FSTL5: variants seen among roughly 807,000 people sequenced by gnomAD.
FSTL5 encodes follistatin like 5.
FSTL5 carries 62 observed loss-of-function variants against 89.1 expected under a neutral mutation model. That is an observed-to-expected ratio of 0.70 (90% CI 0.57 to 0.86). The LOEUF is 0.86. FSTL5 is among the 40% of genes least tolerant of loss of function. FSTL5 has a pLI of 0.00. For synonymous variants in FSTL5, 383 were observed against 346.2 expected (o/e 1.11, Z -1.18); for missense variants, 1,057 against 1,001.6 (o/e 1.06, Z -0.75).
chr4:162,146,844 G>A (rs1056109136), intron 1 of FSTL5, among the ~76,000 whole-genome samples: 4 of 151,094 alleles, frequency 2.6e-5, no homozygotes. Flanking sequence ...GTGCAGTGTG[G>A]GATCTTGGCT....
chr4:161,561,214 G>C (rs1578925928), intron 8 of FSTL5, among the ~76,000 whole-genome samples: 1 of 148,220 alleles, frequency 6.7e-6, no homozygotes, highest in South Asian at 2.2e-4. Flanking sequence ...TAGATAGATA[G>C]ATACATAGAT....
At position 161,753,415 on chromosome 4, in the gene FSTL5, C is replaced by T. The variant is rs200350067; in HGVS notation, c.727+5996G>A. Among the ~76,000 whole-genome samples the T allele has an allele frequency of 2.0e-5, 3 of 152,218 alleles. No individual in the cohort carries two copies. In the East Asian group the frequency reaches 5.8e-4, roughly 29 times the overall value. On this transcript the variant is annotated intron_variant, in intron 6 of 15. Coordinates refer to ENST00000306100, the MANE Select transcript of FSTL5 (RefSeq NM_020116.5). ...CTGTCATGTATATGTAATCACTCAC[C>T]AATTCAAGTTAATTCTGTTCATAAG...
intron 3 of FSTL5, among the ~76,000 whole-genome samples, chr4:161,966,155 A>C (rs1735321258): frequency 6.6e-6 from 1 of 152,130 alleles, no homozygotes; most frequent in South Asian, 2.1e-4. Flanking sequence ...TATATTGTTT[A>C]ATTCATTGTT....
intron 7 of FSTL5, among the ~76,000 whole-genome samples, chr4:161,613,659 CAAAA>C (rs750399896): frequency 6.6e-6 from 1 of 152,036 alleles, no homozygotes; most frequent in Admixed American, 6.6e-5. Flanking sequence ...CGAACCCAAA[CAAAA>C]AAGTCTCGTT....
intron 8 of FSTL5, among the ~76,000 whole-genome samples, chr4:161,563,327 C>A (rs1015444542): frequency 6.6e-6 from 1 of 151,848 alleles, no homozygotes; most frequent in African/African-American, 2.4e-5. Context: ...AGTGGAACTG[C>A]TTTATCGTAT....
intron 4 of FSTL5, among the ~76,000 whole-genome samples, chr4:161,864,899 G>A (rs1372004872): frequency 1.4e-5 from 2 of 146,392 alleles, no homozygotes; most frequent in Non-Finnish European, 3.0e-5. Flanking sequence ...AAGCATTAAT[G>A]GTAGTGAATA....
At chr4:161,845,196 A>C (rs1409534486) in intron 4 of FSTL5, among the ~76,000 whole-genome samples, 1 of 152,198 alleles carries the variant, frequency 6.6e-6, no homozygotes, top group African/African-American at 2.4e-5. Flanking sequence ...CTATTAGATT[A>C]ATGCACTCTT....
intron 10 of FSTL5, among the ~76,000 whole-genome samples, chr4:161,523,007 T>C (rs1217802928): frequency 2.6e-5 from 4 of 152,078 alleles, no homozygotes; most frequent in Non-Finnish European, 5.9e-5. Context: ...TAATGATAAC[T>C]AGAAGAAACA....
In FSTL5 at chr4:161,812,517, A is replaced by AACACACAC. The variant is rs3077014; in HGVS notation, c.410-36451_410-36444dup. Among the ~76,000 whole-genome samples the AACACACAC allele has an allele frequency of 9.5e-3, 1,437 of 151,310 alleles. 10 individuals are homozygous for AACACACAC. The highest frequency in any genetic ancestry group is 0.021 in the Middle Eastern group (6 of 290). ...CAATAGCCCATCTGTAGTTAAGAAA[A>AACACACAC]ACACACACACACACACAAATGAAAC... is the stretch of plus-strand genomic sequence containing the variant. On this transcript the variant is annotated intron_variant, in intron 4 of 15. Coordinates refer to ENST00000306100, the MANE Select transcript of FSTL5 (RefSeq NM_020116.5).
At chr4:161,592,941 T>C (rs1461764442) in intron 7 of FSTL5, among the ~76,000 whole-genome samples, 1 of 152,202 alleles carries the variant, frequency 6.6e-6, no homozygotes, top group Non-Finnish European at 1.5e-5. Flanking sequence ...TTTTAAGTTG[T>C]AATTGGCAAA....
intron 10 of FSTL5, among the ~76,000 whole-genome samples, chr4:161,537,401 T>G (rs1003968478): frequency 6.6e-6 from 1 of 152,190 alleles, no homozygotes; most frequent in African/African-American, 2.4e-5. Context: ...GGCACGTGTA[T>G]ACCAAGGGAA....
rs565975087 is a variant in FSTL5 at position 161,840,378 on chromosome 4, A to G, written c.410-64304T>C. 5.3e-5 allele frequency among the ~76,000 whole-genome samples: 8 copies of G among 152,342 alleles called. No individual in the cohort carries two copies. The South Asian group carries it at 1.4e-3, about 28-fold the overall frequency. On this transcript the variant is annotated intron_variant, in intron 4 of 15. Coordinates refer to ENST00000306100, the MANE Select transcript of FSTL5 (RefSeq NM_020116.5). ...GAAAAATTTAGAAGAAATTGGATTC[A>G]ATGCTTTATCTACATATCTAAAACA...
In FSTL5 at chr4:162,051,508, T is replaced by C. The variant is rs556399217; in HGVS notation, c.127-17850A>G. Among the ~76,000 whole-genome samples the C allele has an allele frequency of 3.3e-5, 5 of 151,548 alleles. No individual in the cohort carries two copies. In the South Asian group the frequency reaches 1.0e-3, roughly 31 times the overall value. ...AAAACCCTACTAGACATATAAAGAA[T>C]AACCAGAGCATTTGAGTAGGAATAA... is the stretch of plus-strand genomic sequence containing the variant. On this transcript the variant is annotated intron_variant, in intron 2 of 15. Coordinates refer to ENST00000306100, the MANE Select transcript of FSTL5 (RefSeq NM_020116.5).
At chr4:162,080,166 T>A (rs536156552) in intron 2 of FSTL5, among the ~76,000 whole-genome samples, 14 of 151,784 alleles carry the variant, frequency 9.2e-5, no homozygotes, top group Non-Finnish European at 1.8e-4. Flanking sequence ...CTGAGATTAT[T>A]GTATGTTTGA....
intron 9 of FSTL5, among the ~76,000 whole-genome samples, chr4:161,539,999 C>T (rs921847001): frequency 3.3e-5 from 5 of 149,396 alleles, no homozygotes; most frequent in African/African-American, 7.4e-5. Flanking sequence ...TCTTTAAATG[C>T]TGTCTCCCAA....
chr4:161,535,280 C>T (rs971639128), intron 10 of FSTL5, among the ~76,000 whole-genome samples: 3 of 151,948 alleles, frequency 2.0e-5, no homozygotes, highest in African/African-American at 7.2e-5. Flanking sequence ...AAATTACTAA[C>T]AAAGTAAACA....
intron 11 of FSTL5, among the ~76,000 whole-genome samples, chr4:161,506,696 G>T (rs2126494178): frequency 1.3e-5 from 2 of 152,128 alleles, no homozygotes; most frequent in South Asian, 4.1e-4. Flanking sequence ...AATAATTTTA[G>T]GCTGAAGAAG....
At chr4:161,578,746 T>C (rs58484527) in intron 8 of FSTL5, among the ~76,000 whole-genome samples, 71,854 of 151,558 alleles carry the variant, frequency 0.47, 17,250 homozygotes, top group Middle Eastern at 0.59. Flanking sequence ...AAAAAGAGAC[T>C]AGAAATACTA....
intron 4 of FSTL5, among the ~76,000 whole-genome samples, chr4:161,841,965 CA>C (rs1458614004): frequency 6.6e-6 from 1 of 152,080 alleles, no homozygotes; most frequent in Admixed American, 6.6e-5. Flanking sequence ...CAGTGAGCTT[CA>C]GGGAAAACAC....
Sources: allele counts gnomAD v4.1 joint callset (sites outside exome capture counted in the v4.1 genomes callset), GRCh38; gene constraint gnomAD v4.1.1; transcripts MANE v1.5; gene names NCBI Gene and HGNC (gene_info 2026-07-23, HGNC 2026-07-21).